EIF4G3: variants seen among roughly 807,000 people sequenced by gnomAD.
EIF4G3 encodes eukaryotic translation initiation factor 4 gamma 3.
Under a neutral mutation model 186.4 loss-of-function variants are expected in EIF4G3, and 34 were observed. The ratio of observed to expected loss-of-function variants is 0.18; its 90% CI spans 0.14 to 0.24. The LOEUF (loss-of-function observed/expected upper bound fraction) is 0.24, where lower values mean the gene tolerates loss of function less well. Ranked by LOEUF, EIF4G3 falls within the 10% of genes least tolerant of loss-of-function variation. The pLI, the probability that EIF4G3 is intolerant of heterozygous loss-of-function variation, is 1.00. For missense variants in EIF4G3, 1,536 were observed against 1,948.5 expected, an observed-to-expected ratio of 0.79 and a Z score of 3.99; for synonymous variants, 673 against 679.5, an observed-to-expected ratio of 0.99 and a Z score of 0.15.
chr1:21,172,209 G>A (rs540459921), intron 2 of EIF4G3, among the ~76,000 whole-genome samples: 78 of 151,464 alleles, frequency 5.1e-4, no homozygotes, highest in African/African-American at 1.3e-3. Context: ...AAAGCAGGCC[G>A]GCAGAAGAGA....
At chr1:21,001,398 T>A (rs1272942170) in intron 5 of EIF4G3, 86 bp from the exon 6 acceptor site, 12 of 445,204 alleles carry the variant, frequency 2.7e-5, no homozygotes, top group Non-Finnish European at 5.6e-5. Flanking sequence ...CATTTTCTTT[T>A]TTGATAATCA....
intron 12 of EIF4G3, 116 bp downstream of exon 12, chr1:20,969,358 G>C (rs2075360276): frequency 8.1e-7 from 1 of 1,231,086 alleles, no homozygotes; most frequent in Non-Finnish European, 1.1e-6. Context: ...AGATATTCGA[G>C]GCTGCGAGAC....
intron 2 of EIF4G3, among the ~76,000 whole-genome samples, chr1:21,168,241 T>C (rs1009012252): frequency 3.3e-5 from 5 of 151,742 alleles, no homozygotes; most frequent in Non-Finnish European, 7.4e-5. Context: ...CCGTCTCTAC[T>C]AAAAATACAA....
At chr1:21,062,658 T>G (rs1161774166) in intron 3 of EIF4G3, among the ~76,000 whole-genome samples, 4 of 152,172 alleles carry the variant, frequency 2.6e-5, no homozygotes, top group Non-Finnish European at 5.9e-5. Flanking sequence ...GGTGCAATCT[T>G]GGCTCACTGC....
chr1:20,815,544 G>A (rs1431273915), intron 34 of EIF4G3, among the ~76,000 whole-genome samples: 2 of 151,466 alleles, frequency 1.3e-5, no homozygotes, highest in Non-Finnish European at 3.0e-5. Context: ...CCTCTGCCTG[G>A]CAACCGCCCC....
intron 34 of EIF4G3, 91 bp downstream of exon 34, chr1:20,817,295 AAAATTC>A: frequency 9.9e-6 from 6 of 607,088 alleles, no homozygotes; most frequent in South Asian, 5.9e-5. Flanking sequence ...AATAAAAATA[AAAATTC>A]ATGAAGTGAA....
intron 33 of EIF4G3, among the ~76,000 whole-genome samples, chr1:20,817,826 C>T (rs1255413611): frequency 6.6e-6 from 1 of 151,874 alleles, no homozygotes; most frequent in African/African-American, 2.4e-5. Context: ...AGACCCACAC[C>T]ACCACACTTG....
intron 3 of EIF4G3, among the ~76,000 whole-genome samples, chr1:21,059,514 T>A (rs1416945488): frequency 2.0e-5 from 3 of 151,250 alleles, no homozygotes; most frequent in African/African-American, 7.3e-5. Flanking sequence ...ATTTGAATTC[T>A]GTTAATATCA....
intron 6 of EIF4G3, chr1:20,998,994 A>G (rs1036086295): frequency 1.3e-5 from 3 of 239,260 alleles, no homozygotes; most frequent in Non-Finnish European, 2.6e-5. Flanking sequence ...AGTTATGTGC[A>G]ATAGTGATTT....
At chr1:21,123,463 C>A (rs1485646831) in intron 2 of EIF4G3, among the ~76,000 whole-genome samples, 2 of 150,878 alleles carry the variant, frequency 1.3e-5, no homozygotes, top group South Asian at 2.1e-4. Flanking sequence ...ACACAGGAGG[C>A]TGAGGCACGA....
At chr1:21,072,045 T>A (rs148363771) in intron 3 of EIF4G3, among the ~76,000 whole-genome samples, 1 of 152,140 alleles carries the variant, frequency 6.6e-6, no homozygotes, top group Non-Finnish European at 1.5e-5. Context: ...ATGGCAACGG[T>A]TAAGTCAAAA....
chr1:21,049,579 T>C (rs1557703196), intron 4 of EIF4G3, among the ~76,000 whole-genome samples: 1 of 152,220 alleles, frequency 6.6e-6, no homozygotes, highest in Non-Finnish European at 1.5e-5. Context: ...TTATATTCAT[T>C]AATAGGGCTA....
At chr1:21,017,454 C>A (rs989025706) in intron 4 of EIF4G3, among the ~76,000 whole-genome samples, 1 of 151,824 alleles carries the variant, frequency 6.6e-6, no homozygotes, top group Non-Finnish European at 1.5e-5. Flanking sequence ...TGGCAAAACT[C>A]CGTCTCTACT....
intron 2 of EIF4G3, among the ~76,000 whole-genome samples, chr1:21,165,830 G>A (rs1369962056): frequency 1.3e-5 from 2 of 152,042 alleles, no homozygotes; most frequent in African/African-American, 4.8e-5. Flanking sequence ...GACTCATACG[G>A]TATGTGGATT....
At chr1:21,002,274 T>C (rs966152686) in intron 5 of EIF4G3, among the ~76,000 whole-genome samples, 1 of 152,230 alleles carries the variant, frequency 6.6e-6, no homozygotes, top group Non-Finnish European at 1.5e-5. Flanking sequence ...TTAGAACAGA[T>C]CTAATAACAC....
intron 34 of EIF4G3, among the ~76,000 whole-genome samples, chr1:20,816,637 C>A (rs1325500012): frequency 9.8e-6 from 1 of 101,590 alleles, no homozygotes; most frequent in East Asian, 3.7e-4. Context: ...CAGCCCCCCG[C>A]CCGGCCAGCC....
At chr1:21,007,688 A>G (rs1042146911) in intron 4 of EIF4G3, among the ~76,000 whole-genome samples, 7 of 151,836 alleles carry the variant, frequency 4.6e-5, no homozygotes. Context: ...AATAATATTA[A>G]GTGACAAAAG....
chr1:20,947,449 A>G (rs1162359629), intron 13 of EIF4G3, among the ~76,000 whole-genome samples: 2 of 152,084 alleles, frequency 1.3e-5, no homozygotes, highest in East Asian at 3.8e-4. Context: ...TTTGGTTAAA[A>G]AAAAAAAACT....
intron 14 of EIF4G3, among the ~76,000 whole-genome samples, chr1:20,918,620 T>A (rs1445582245): frequency 1.3e-5 from 2 of 152,054 alleles, no homozygotes; most frequent in Non-Finnish European, 2.9e-5. Flanking sequence ...CAAATACTAG[T>A]ATGCAACATT....
Sources: allele counts gnomAD v4.1 joint callset (sites outside exome capture counted in the v4.1 genomes callset), GRCh38; gene constraint gnomAD v4.1.1; transcripts MANE v1.5; gene names NCBI Gene and HGNC (gene_info 2026-07-23, HGNC 2026-07-21).